The following TSEN15 variants were observed in gnomAD, a reference collection of about 807,000 sequenced individuals.
The protein encoded by TSEN15 is tRNA-splicing endonuclease subunit Sen15.
A neutral mutation model predicts 20.5 loss-of-function variants in TSEN15; 10 were observed. That is an observed-to-expected ratio of 0.49 (90% CI 0.30 to 0.83). The LOEUF (loss-of-function observed/expected upper bound fraction) is 0.83, where lower values mean the gene tolerates loss of function less well. Ranked by LOEUF, TSEN15 falls within the 40% of genes least tolerant of loss-of-function variation. The probability of loss-of-function intolerance (pLI) is 0.06; values close to 1 mark genes in which losing one functional copy is unlikely to be tolerated. For synonymous variants in TSEN15, 72 were observed against 80.1 expected (o/e 0.90, Z 0.54); for missense variants, 180 against 218.6 (o/e 0.82, Z 1.11).
intron 3 of TSEN15, among the ~76,000 whole-genome samples, chr1:184,060,256 TAGAG>T (rs1287570463): frequency 5.3e-5 from 8 of 152,258 alleles, no homozygotes; most frequent in Non-Finnish European, 7.3e-5. Flanking sequence ...AGCTAGCACT[TAGAG>T]AGTCTCTGAA....
At chr1:184,090,870 A>G (rs1032979470) in intron 3 of TSEN15, among the ~76,000 whole-genome samples, 1 of 152,166 alleles carries the variant, frequency 6.6e-6, no homozygotes, top group Non-Finnish European at 1.5e-5. Context: ...TTCAGCTGAG[A>G]ATAGGACACT....
intron 3 of TSEN15, among the ~76,000 whole-genome samples, chr1:184,055,488 G>A (rs147896008): frequency 2.6e-5 from 4 of 152,284 alleles, no homozygotes; most frequent in African/African-American, 9.6e-5. Flanking sequence ...TTCAGAGACA[G>A]TATGTATGGT....
chr1:184,061,573 A>G (rs1650456548), intron 3 of TSEN15, among the ~76,000 whole-genome samples: 1 of 152,198 alleles, frequency 6.6e-6, no homozygotes, highest in Non-Finnish European at 1.5e-5. Context: ...TTAGTTATAA[A>G]GTATTTCCCT....
intron 3 of TSEN15, among the ~76,000 whole-genome samples, chr1:184,084,366 T>A (rs978693870): frequency 2.0e-5 from 3 of 151,842 alleles, no homozygotes; most frequent in Admixed American, 1.3e-4. Context: ...ATTTTGTTGT[T>A]TGATATTCTG....
chr1:184,058,794 CA>C (rs1650339553), intron 3 of TSEN15, among the ~76,000 whole-genome samples: 1 of 152,076 alleles, frequency 6.6e-6, no homozygotes, highest in East Asian at 1.9e-4. Flanking sequence ...AGAGGGAAAA[CA>C]GCTTTTACTT....
At chr1:184,058,091 T>G in intron 3 of TSEN15, 1 of 379,248 alleles carries the variant, frequency 2.6e-6, no homozygotes, top group South Asian at 2.1e-5. Context: ...ATAGCCTATT[T>G]TAATCAAAAT....
chr1:184,093,588 A>G (rs1651396014), intron 3 of TSEN15: 1 of 152,234 alleles, frequency 6.6e-6, no homozygotes, highest in Non-Finnish European at 1.5e-5. Context: ...TGGCATTAAT[A>G]TATCAAATGC....
chr1:184,074,496 C>T (rs532286794), downstream of TSEN15, among the ~76,000 whole-genome samples: 1 of 152,224 alleles, frequency 6.6e-6, no homozygotes, highest in South Asian at 2.1e-4. Flanking sequence ...GGCAGGAGGC[C>T]ACCCTCAGCT....
intron 1 of TSEN15, 74 bp downstream of exon 1, chr1:184,051,964 T>G: frequency 1.5e-6 from 2 of 1,322,884 alleles, no homozygotes; most frequent in East Asian, 6.1e-5. Context: ...GCAGCTCTCT[T>G]TCTTTCTTCC....
At chr1:184,057,459 C>T (rs944789278) in intron 3 of TSEN15, among the ~76,000 whole-genome samples, 4 of 152,154 alleles carry the variant, frequency 2.6e-5, no homozygotes, top group African/African-American at 9.7e-5. Context: ...TGACTGAATA[C>T]ATAGCAGTCT....
intron 3 of TSEN15, among the ~76,000 whole-genome samples, chr1:184,081,648 A>T (rs1440412906): frequency 6.6e-6 from 1 of 152,198 alleles, no homozygotes; most frequent in Admixed American, 6.6e-5. Flanking sequence ...TGAACAGAGA[A>T]GGAGCTGGAG....
At chr1:184,070,782 T>C in intron 3 of TSEN15, 1 of 582,548 alleles carries the variant, frequency 1.7e-6, no homozygotes, top group Non-Finnish European at 2.4e-6. Flanking sequence ...AGAATATCTT[T>C]CTCTAAAGTA....
At chr1:184,072,513 C>G in intron 4 of TSEN15, 1 of 559,920 alleles carries the variant, frequency 1.8e-6, no homozygotes, top group Non-Finnish European at 3.0e-6. Flanking sequence ...AAATTGATTT[C>G]CTTACTCTTT....
intron 3 of TSEN15, chr1:184,095,587 A>G (rs1261116105): frequency 2.5e-6 from 1 of 395,446 alleles, no homozygotes; most frequent in East Asian, 3.6e-5. Flanking sequence ...TTCTTATAAA[A>G]TGGGGAAGAA....
chr1:184,071,228 T>C (rs1481097027), intron 3 of TSEN15: 2 of 151,998 alleles, frequency 1.3e-5, no homozygotes, highest in Non-Finnish European at 2.9e-5. Context: ...ACCAGCCTTA[T>C]AGCACGTTAA....
chr1:184,070,831 CAG>C (rs1650855837), intron 3 of TSEN15: 1 of 322,056 alleles, frequency 3.1e-6, no homozygotes, highest in Non-Finnish European at 5.1e-6. Context: ...AGTTGTAATG[CAG>C]TTCAGCATAG....
chr1:184,071,697 G>A (rs1650889797), intron 3 of TSEN15, among the ~76,000 whole-genome samples: 1 of 151,916 alleles, frequency 6.6e-6, no homozygotes, highest in East Asian at 1.9e-4. Flanking sequence ...TAGAAAAGAA[G>A]GTGATAAAGG....
intron 3 of TSEN15, among the ~76,000 whole-genome samples, chr1:184,068,985 G>A (rs1650789350): frequency 6.6e-6 from 1 of 152,140 alleles, no homozygotes; most frequent in Admixed American, 6.5e-5. Flanking sequence ...TGTCCTCTGT[G>A]TAAATCTCCA....
At chr1:184,078,619 C>CT (rs1651107547), downstream of TSEN15, among the ~76,000 whole-genome samples, 1 of 152,058 alleles carries the variant, frequency 6.6e-6, no homozygotes, top group African/African-American at 2.4e-5. Flanking sequence ...TGGCTCCAGA[C>CT]TAAGTATTTG....
Sources: allele counts gnomAD v4.1 joint callset (sites outside exome capture counted in the v4.1 genomes callset), GRCh38; gene constraint gnomAD v4.1.1; transcripts MANE v1.5; gene names NCBI Gene and HGNC (gene_info 2026-07-23, HGNC 2026-07-21).